The following PEX7 variants were observed in gnomAD, a reference collection of about 807,000 sequenced individuals.
PEX7 encodes peroxisomal biogenesis factor 7.
In PEX7, 34 loss-of-function variants were observed where a neutral mutation model predicts 47.5. That is an observed-to-expected ratio of 0.72 (90% confidence interval 0.54 to 0.95). The LOEUF (loss-of-function observed/expected upper bound fraction) is 0.95. PEX7 is among the 40% of genes least tolerant of loss of function. PEX7 has a pLI of 0.00. For synonymous variants in PEX7, 141 were observed against 148.8 expected (o/e 0.95, Z 0.38); for missense variants, 394 against 400.3 (o/e 0.98, Z 0.13).
chr6:136,830,673 G>A (rs1582735600), intron 3 of PEX7, among the ~76,000 whole-genome samples: 2 of 152,116 alleles, frequency 1.3e-5, no homozygotes, highest in East Asian at 1.9e-4. Flanking sequence ...AGAGTGAATT[G>A]ACAATTTTAT....
At chr6:136,909,669 G>A (rs915536833) in intron 9 of PEX7, among the ~76,000 whole-genome samples, 2 of 152,128 alleles carry the variant, frequency 1.3e-5, no homozygotes, top group African/African-American at 4.8e-5. Context: ...TTAACAAATA[G>A]AGGAATACTA....
At chr6:136,842,977 A>T (rs1390156757) in intron 3 of PEX7, among the ~76,000 whole-genome samples, 2 of 152,182 alleles carry the variant, frequency 1.3e-5, no homozygotes, top group African/African-American at 2.4e-5. Flanking sequence ...AACACAGTGG[A>T]ATCAATCTAG....
chr6:136,823,746 C>T (rs376253207), intron 1 of PEX7, among the ~76,000 whole-genome samples: 15 of 152,092 alleles, frequency 9.9e-5, no homozygotes, highest in South Asian at 4.2e-4. Context: ...CAAAATTAGC[C>T]GGGCGTGGTG....
At chr6:136,826,778 C>T (rs2115132838) in intron 3 of PEX7, among the ~76,000 whole-genome samples, 1 of 152,226 alleles carries the variant, frequency 6.6e-6, no homozygotes, top group East Asian at 1.9e-4. Flanking sequence ...AATGTGCTTG[C>T]CACATGGTGC....
chr6:136,877,997 T>C (rs1353498065), intron 8 of PEX7, among the ~76,000 whole-genome samples: 1 of 152,230 alleles, frequency 6.6e-6, no homozygotes, highest in Non-Finnish European at 1.5e-5. Flanking sequence ...TGGTTTGTAG[T>C]TCTCCTTGAA....
chr6:136,847,221 T>G (rs1301618584), intron 5 of PEX7, among the ~76,000 whole-genome samples: 4 of 152,164 alleles, frequency 2.6e-5, no homozygotes, highest in Non-Finnish European at 5.9e-5. Flanking sequence ...TGTTTTTAAG[T>G]TTTTTGTAGA....
chr6:136,830,273 CTT>C, intron 3 of PEX7: 1 of 449,510 alleles, frequency 2.2e-6, no homozygotes, highest in East Asian at 3.6e-5. Context: ...ATTATTTGCT[CTT>C]ATTATAATAG....
chr6:136,899,632 G>A (rs544499859), intron 9 of PEX7, among the ~76,000 whole-genome samples: 3 of 151,822 alleles, frequency 2.0e-5, no homozygotes, highest in East Asian at 3.9e-4. Flanking sequence ...CACCCTCCTC[G>A]GCCTCCCAAA....
intron 8 of PEX7, among the ~76,000 whole-genome samples, chr6:136,891,256 G>A (rs1296466877): frequency 6.6e-6 from 1 of 152,180 alleles, no homozygotes; most frequent in Non-Finnish European, 1.5e-5. Flanking sequence ...TTACTGTGAT[G>A]AAGTAAAGTC....
At chr6:136,850,594 G>T (rs1347646067) in intron 5 of PEX7, among the ~76,000 whole-genome samples, 1 of 152,134 alleles carries the variant, frequency 6.6e-6, no homozygotes, top group Non-Finnish European at 1.5e-5. Context: ...AACTCCTAAA[G>T]AATAATTCCT....
intron 9 of PEX7, among the ~76,000 whole-genome samples, chr6:136,912,218 T>C (rs2115298174): frequency 6.6e-6 from 1 of 152,356 alleles, no homozygotes; most frequent in African/African-American, 2.4e-5. Flanking sequence ...TGTCTTTTGA[T>C]GAGCAAAAGT....
At chr6:136,875,840 C>G (rs1481966609) in intron 8 of PEX7, among the ~76,000 whole-genome samples, 1 of 152,112 alleles carries the variant, frequency 6.6e-6, no homozygotes, top group East Asian at 1.9e-4. Flanking sequence ...TGCTGTGTTT[C>G]TGGTATGTAG....
At chr6:136,827,854 TTTG>T (rs1262680349) in intron 3 of PEX7, among the ~76,000 whole-genome samples, 3 of 152,066 alleles carry the variant, frequency 2.0e-5, no homozygotes, top group East Asian at 3.8e-4. Context: ...TGTGTGTTTT[TTTG>T]TTGTTGTTTT....
chr6:136,825,999 T>C (rs1361477794), intron 2 of PEX7, among the ~76,000 whole-genome samples: 1 of 152,048 alleles, frequency 6.6e-6, no homozygotes, highest in Non-Finnish European at 1.5e-5. Context: ...ACAAAACAAA[T>C]CTGAAGCCTG....
In PEX7 at chr6:136,826,360, A is replaced by G; in HGVS notation, c.230A>G (p.Glu77Gly). The change falls in exon 3 of 10, where the codon GAG (glutamate) becomes GGG (glycine). Residue 77 changes from glutamate to glycine, a missense_variant. Transcript: ENST00000318471. ...GGTTTGTTTGATGTGACTTGGAGTG[A>G]GAACAACGAACATGTCCTCATCACC... is the stretch of plus-strand genomic sequence containing the variant. ...NDGLFDVTWS[E>G]NNEHVLITCS... is the part of the protein sequence containing the mutation. The G allele has an allele frequency of 1.2e-6, 2 of 1,614,006 alleles. No homozygotes were observed. Among genetic ancestry groups the G allele is most frequent in the Non-Finnish European group, 1.7e-6 (2 of 1,180,026 alleles).
chr6:136,848,073 T>C (rs1481441438), intron 5 of PEX7, among the ~76,000 whole-genome samples: 1 of 152,156 alleles, frequency 6.6e-6, no homozygotes, highest in Non-Finnish European at 1.5e-5. Flanking sequence ...CCCTTGTAAG[T>C]TGGATTCCTA....
At chr6:136,893,285 C>G (rs773494051) in intron 8 of PEX7, among the ~76,000 whole-genome samples, 12 of 151,974 alleles carry the variant, frequency 7.9e-5, no homozygotes, top group Non-Finnish European at 1.3e-4. Flanking sequence ...CTGGAACATT[C>G]TTCCCTTTCC....
intron 1 of PEX7, 51 bp downstream of exon 1, chr6:136,822,846 G>A: frequency 8.1e-7 from 1 of 1,235,196 alleles, no homozygotes; most frequent in African/African-American, 1.6e-5. Context: ...GGAGGCGGGG[G>A]CCAGCCGGGC....
chr6:136,869,583 C>T (rs773158382), intron 6 of PEX7, among the ~76,000 whole-genome samples: 5 of 152,196 alleles, frequency 3.3e-5, no homozygotes, highest in Non-Finnish European at 7.3e-5. Flanking sequence ...TATGTATTTA[C>T]TGCCGCTTCT....
Sources: gnomAD v4.1 joint callset for allele counts (sites outside exome capture counted in the v4.1 genomes callset) on GRCh38, gnomAD v4.1.1 for gene constraint, MANE v1.5 for transcripts, NCBI Gene and HGNC (gene_info 2026-07-23, HGNC 2026-07-21) for gene names.